The following TRABD2B variants were observed in gnomAD, a reference collection of about 807,000 sequenced individuals.
The protein encoded by TRABD2B is metalloprotease TIKI2.
In TRABD2B, 14 loss-of-function variants were observed where a neutral mutation model predicts 40.1. That is an observed-to-expected ratio of 0.35 (90% confidence interval 0.23 to 0.55). The LOEUF (loss-of-function observed/expected upper bound fraction) is 0.55. TRABD2B is among the 20% of genes least tolerant of loss of function. TRABD2B has a pLI of 0.90. For synonymous variants in TRABD2B, 263 were observed against 277.0 expected, an observed-to-expected ratio of 0.95 and a Z score of 0.50; for missense variants, 541 against 648.6, an observed-to-expected ratio of 0.83 and a Z score of 1.80.
chr1:47,827,827 T>G (rs1328765682), intron 2 of TRABD2B, among the ~76,000 whole-genome samples: 2 of 150,888 alleles, frequency 1.3e-5, no homozygotes, highest in African/African-American at 2.4e-5. Flanking sequence ...AAGGTTTGAG[T>G]CCACTTTGGC....
intron 2 of TRABD2B, among the ~76,000 whole-genome samples, chr1:47,845,442 AATCTATGCTAC>A (rs1455180700): frequency 6.6e-6 from 1 of 152,182 alleles, no homozygotes; most frequent in African/African-American, 2.4e-5. Context: ...TTTTCAAAAC[AATCTATGCTAC>A]AGGCACTATT....
chr1:47,790,253 C>A (rs1644653020), intron 4 of TRABD2B, among the ~76,000 whole-genome samples: 1 of 152,214 alleles, frequency 6.6e-6, no homozygotes, highest in Non-Finnish European at 1.5e-5. Flanking sequence ...TCTTGAGGCT[C>A]AGCCTGTCCA....
At position 47,780,574 on chromosome 1, in the gene TRABD2B, G is replaced by A. The variant is rs567819358; in HGVS notation, c.989-2030C>T. ...GAGGGAACTGTTCACACAGGAGGCT[G>A]TGAGGGCACACAGGAGGCCTCTAAG... is the stretch of plus-strand genomic sequence containing the variant. On this transcript the variant is annotated intron_variant, in intron 4 of 6. Transcript: ENST00000606738. 3.3e-5 allele frequency among the ~76,000 whole-genome samples: 5 copies of A among 152,310 alleles called. No homozygotes were observed. In the East Asian group the frequency reaches 7.7e-4, roughly 24 times the overall value.
chr1:47,778,931 C>G (rs974893113), intron 4 of TRABD2B, among the ~76,000 whole-genome samples: 4 of 152,346 alleles, frequency 2.6e-5, no homozygotes, highest in East Asian at 1.9e-4. Context: ...CCCAGCCCCC[C>G]ACAGTCCAGG....
intron 6 of TRABD2B, among the ~76,000 whole-genome samples, chr1:47,770,710 C>A (rs1644366586): frequency 6.6e-6 from 1 of 152,216 alleles, no homozygotes; most frequent in Non-Finnish European, 1.5e-5. Flanking sequence ...TCTTCCTGTC[C>A]CTCACTAGCA....
chr1:47,924,926 T>C (rs1308751426), intron 2 of TRABD2B, among the ~76,000 whole-genome samples: 3 of 152,192 alleles, frequency 2.0e-5, no homozygotes, highest in Non-Finnish European at 4.4e-5. Context: ...GGCAAGTCTC[T>C]GTCTGCAACC....
intron 2 of TRABD2B, among the ~76,000 whole-genome samples, chr1:47,944,411 T>C (rs981335295): frequency 1.3e-5 from 2 of 152,102 alleles, no homozygotes; most frequent in Non-Finnish European, 2.9e-5. Flanking sequence ...TTAGGAAGTG[T>C]CTCAGGGAAC....
intron 2 of TRABD2B, among the ~76,000 whole-genome samples, chr1:47,981,000 C>G (rs1645832957): frequency 6.6e-6 from 1 of 152,098 alleles, no homozygotes. Flanking sequence ...GTCACATTCC[C>G]TCTTTTCTTT....
chr1:47,916,745 T>C (rs530263647), intron 2 of TRABD2B, among the ~76,000 whole-genome samples: 1 of 152,312 alleles, frequency 6.6e-6, no homozygotes, highest in East Asian at 1.9e-4. Flanking sequence ...TTGCACCCCC[T>C]CTTCTAACGC....
chr1:47,871,544 C>A (rs1379295304), intron 2 of TRABD2B, among the ~76,000 whole-genome samples: 5 of 152,184 alleles, frequency 3.3e-5, no homozygotes, highest in African/African-American at 1.2e-4. Flanking sequence ...GGGAGTGGAA[C>A]CATTTTCATC....
intron 2 of TRABD2B, among the ~76,000 whole-genome samples, chr1:47,964,595 T>C (rs1233641121): frequency 2.0e-5 from 3 of 152,208 alleles, no homozygotes; most frequent in Non-Finnish European, 4.4e-5. Flanking sequence ...GTTTGAGCCA[T>C]GGATATTGAT....
intron 2 of TRABD2B, among the ~76,000 whole-genome samples, chr1:47,930,062 G>C (rs1570309962): frequency 6.6e-6 from 1 of 152,148 alleles, no homozygotes; most frequent in African/African-American, 2.4e-5. Flanking sequence ...CTCGTCTTTG[G>C]CTCCCCAGGC....
Position 47,836,307 on chromosome 1 carries a change from G to A in TRABD2B, c.667-34688C>T, listed in dbSNP as rs1213817181. 2.6e-5 allele frequency among the ~76,000 whole-genome samples: 4 copies of A among 152,212 alleles called. No individual in the cohort carries two copies. In the East Asian group the frequency reaches 7.7e-4, roughly 29 times the overall value. Reference sequence around the variant, plus strand: ...TTACCTATATCCCTAATAAGGTAATGAGTGTGCCATGCATGTCAAAGAGAA... The same window carrying A: ...TTACCTATATCCCTAATAAGGTAATAAGTGTGCCATGCATGTCAAAGAGAA... On this transcript the variant is annotated intron_variant, in intron 2 of 6. Coordinates refer to ENST00000606738, the MANE Select transcript of TRABD2B (RefSeq NM_001194986.2).
chr1:47,942,001 T>C (rs889611029), intron 2 of TRABD2B, among the ~76,000 whole-genome samples: 1 of 152,254 alleles, frequency 6.6e-6, no homozygotes, highest in Non-Finnish European at 1.5e-5. Flanking sequence ...CTTATTAACT[T>C]AGCTTTGCCT....
chr1:47,861,893 T>C (rs1643978743), intron 2 of TRABD2B, among the ~76,000 whole-genome samples: 1 of 152,168 alleles, frequency 6.6e-6, no homozygotes, highest in Admixed American at 6.6e-5. Context: ...AATCCAATAA[T>C]GTATAAAAAG....
chr1:47,784,743 G>A (rs1488902986), intron 4 of TRABD2B, among the ~76,000 whole-genome samples: 1 of 152,208 alleles, frequency 6.6e-6, no homozygotes, highest in African/African-American at 2.4e-5. Context: ...AGAGTGTCTG[G>A]AGGGACACTG....
intron 2 of TRABD2B, among the ~76,000 whole-genome samples, chr1:47,858,181 A>G (rs550378620): frequency 6.6e-6 from 1 of 151,764 alleles, no homozygotes; most frequent in African/African-American, 2.4e-5. Flanking sequence ...GGCAACTACA[A>G]TAGTCATTCA....
intron 2 of TRABD2B, among the ~76,000 whole-genome samples, chr1:47,901,277 C>A (rs923064539): frequency 1.3e-5 from 2 of 152,138 alleles, no homozygotes; most frequent in African/African-American, 2.4e-5. Context: ...GGAGGCCAGC[C>A]CAAGAAATAA....
At chr1:47,768,907 A>G (rs982499159) in intron 6 of TRABD2B, among the ~76,000 whole-genome samples, 4 of 152,214 alleles carry the variant, frequency 2.6e-5, no homozygotes, top group Non-Finnish European at 5.9e-5. Context: ...AGGACTTCAG[A>G]TTTCTTGCAA....
Sources: allele counts gnomAD v4.1 joint callset (sites outside exome capture counted in the v4.1 genomes callset), GRCh38; gene constraint gnomAD v4.1.1; transcripts MANE v1.5; gene names NCBI Gene and HGNC (gene_info 2026-07-23, HGNC 2026-07-21).